The following FHL5 variants were observed in gnomAD, a reference collection of about 807,000 sequenced individuals.
FHL5 encodes the protein four and a half LIM domains 5.
In FHL5, 33 loss-of-function variants were observed where a neutral mutation model predicts 32.0. The ratio of observed to expected loss-of-function variants is 1.03; its 90% CI spans 0.78 to 1.38. The LOEUF is 1.38. Among genes scored for constraint, FHL5 ranks in the 40% most tolerant of loss-of-function variants. The pLI is 0.00. For synonymous variants in FHL5, 114 were observed against 113.6 expected (o/e 1.00, Z -0.02); for missense variants, 336 against 343.9 (o/e 0.98, Z 0.18).
At chr6:96,576,289 G>A (rs544527330) in intron 1 of FHL5, among the ~76,000 whole-genome samples, 111 of 152,162 alleles carry the variant, frequency 7.3e-4, no homozygotes, top group Middle Eastern at 3.4e-3. Flanking sequence ...AGCCTTCAGC[G>A]TATGCTGGTA....
chr6:96,584,455 GTGTGTT>G (rs1374738490), intron 1 of FHL5, among the ~76,000 whole-genome samples: 1 of 124,060 alleles, frequency 8.1e-6, no homozygotes, highest in African/African-American at 3.4e-5. Flanking sequence ...GTGTGTGTGT[GTGTGTT>G]TGTGTGTGTG....
chr6:96,566,111 T>A (rs1770351786), intron 1 of FHL5, among the ~76,000 whole-genome samples: 1 of 152,056 alleles, frequency 6.6e-6, no homozygotes, highest in Non-Finnish European at 1.5e-5. Context: ...CCTATCTAGC[T>A]GTATTTTGTA....
intron 1 of FHL5, among the ~76,000 whole-genome samples, chr6:96,582,395 C>G (rs373145762): frequency 6.6e-6 from 1 of 151,878 alleles, no homozygotes; most frequent in African/African-American, 2.4e-5. Flanking sequence ...TTTTAAAAGC[C>G]CTTCTTTTTT....
intron 5 of FHL5, among the ~76,000 whole-genome samples, chr6:96,614,486 G>C (rs1254996072): frequency 6.6e-6 from 1 of 152,160 alleles, no homozygotes; most frequent in Admixed American, 6.5e-5. Flanking sequence ...AAATAAGTTT[G>C]TTAGGATGGA....
intron 1 of FHL5, among the ~76,000 whole-genome samples, chr6:96,585,360 A>G (rs1441466049): frequency 6.6e-6 from 1 of 152,210 alleles, no homozygotes; most frequent in Non-Finnish European, 1.5e-5. Context: ...TGGGATAGCC[A>G]TGCGGCAATC....
intron 1 of FHL5, among the ~76,000 whole-genome samples, chr6:96,584,346 AGTCATGTGTGAC>A (rs1334816534): frequency 3.3e-5 from 5 of 152,108 alleles, no homozygotes; most frequent in Middle Eastern, 3.4e-3. Context: ...ATAGAAGAGG[AGTCATGTGTGAC>A]AACTGAAACG....
chr6:96,618,451 AC>A lies in FHL5; in HGVS notation c.*2681del, dbSNP rs1289927039. 6.6e-6 allele frequency among the ~76,000 whole-genome samples: 1 copy of A among 152,256 alleles called. No individual in the cohort carries two copies. The highest frequency in any genetic ancestry group is 1.5e-5 in the Non-Finnish European group (1 of 68,048). ...AACTCTTAGGATAAAAAGTGACATA[AC>A]CGGCCATAGAAAGTTACCAACTGTT... On this transcript the variant is annotated 3_prime_UTR_variant, in exon 6 of 6. Coordinates refer to ENST00000450218, the MANE Select transcript of FHL5 (RefSeq NM_001322466.2).
At chr6:96,576,874 A>C (rs1187416866) in intron 1 of FHL5, among the ~76,000 whole-genome samples, 2 of 152,224 alleles carry the variant, frequency 1.3e-5, no homozygotes, top group Non-Finnish European at 2.9e-5. Context: ...AATTGTAACC[A>C]TATTTAGCTA....
At chr6:96,590,462 AC>A (rs1340868354) in intron 1 of FHL5, among the ~76,000 whole-genome samples, 2 of 152,018 alleles carry the variant, frequency 1.3e-5, no homozygotes, top group African/African-American at 4.8e-5. Flanking sequence ...TTATATATAG[AC>A]ATTTTACTGA....
chr6:96,583,711 G>A (rs1770740751), intron 1 of FHL5, among the ~76,000 whole-genome samples: 1 of 152,040 alleles, frequency 6.6e-6, no homozygotes. Flanking sequence ...AAGGGCAATT[G>A]AATATCAAAG....
intron 5 of FHL5, among the ~76,000 whole-genome samples, chr6:96,610,999 T>C (rs1582482171): frequency 6.6e-6 from 1 of 152,290 alleles, no homozygotes; most frequent in South Asian, 2.1e-4. Flanking sequence ...CTAAACCTAA[T>C]GGTACTGACT....
In FHL5 at chr6:96,617,775, G is replaced by A. The variant is rs940824940; in HGVS notation, c.*2003G>A. On this transcript the variant is annotated 3_prime_UTR_variant, in exon 6 of 6. Coordinates refer to ENST00000450218, the MANE Select transcript of FHL5 (RefSeq NM_001322466.2). ...ATTGGAAATGTTTAGGCATTTTACT[G>A]TGTGGGGGCAGTGAGTATGCACATG... Among the ~76,000 whole-genome samples, 1 of 152,182 alleles carries A rather than the reference G, an allele frequency of 6.6e-6. No homozygotes were observed. Among genetic ancestry groups the A allele is most frequent in the African/African-American group, 2.4e-5 (1 of 41,452 alleles).
rs1771538967 is a variant in FHL5 at position 96,617,135 on chromosome 6, C to T, written c.*1363C>T. ...CTGATCATGACCCTATCTTGCTACC[C>T]CTGGATATTTTCCACATTACTTGGG... On this transcript the variant is annotated 3_prime_UTR_variant, in exon 6 of 6. Transcript: ENST00000450218. Among the ~76,000 whole-genome samples, 1 of 152,156 alleles carries T rather than the reference C, an allele frequency of 6.6e-6. No individual in the cohort carries two copies. Among genetic ancestry groups the T allele is most frequent in the Non-Finnish European group, 1.5e-5 (1 of 68,038 alleles).
chr6:96,579,000 A>G (rs1217382794), intron 1 of FHL5, among the ~76,000 whole-genome samples: 1 of 152,118 alleles, frequency 6.6e-6, no homozygotes, highest in Non-Finnish European at 1.5e-5. Flanking sequence ...CTTTCTTTGG[A>G]GCTTAGTTTT....
At chr6:96,583,440 A>C (rs1485279170) in intron 1 of FHL5, among the ~76,000 whole-genome samples, 1 of 152,156 alleles carries the variant, frequency 6.6e-6, no homozygotes, top group Non-Finnish European at 1.5e-5. Flanking sequence ...TCATTGCACC[A>C]ACATTTCAGT....
chr6:96,610,605 C>T lies in FHL5; in HGVS notation c.538C>T (p.Gln180Ter), dbSNP rs749264505. The T allele has an allele frequency of 6.2e-7, 1 of 1,613,724 alleles. No individual in the cohort carries two copies. The highest frequency in any genetic ancestry group is 8.5e-7 in the Non-Finnish European group (1 of 1,179,848). Residue 180 changes from glutamine (Q) to a stop codon, truncating the protein, a stop_gained, in exon 5 of 6, where the codon CAG (glutamine) becomes TAG (stop). Coordinates refer to ENST00000450218, the MANE Select transcript of FHL5 (RefSeq NM_001322466.2). LOFTEE classifies it high-confidence loss of function. ...ITSGGITFCDQLWHKECFLCS... is the reference protein window; with the variant it reads ...ITSGGITFCD The stretch of plus-strand genomic sequence containing the variant: ...TTCAGGTGGGATAACATTTTGTGAC[C>T]AGCTATGGCATAAAGAGTGTTTTCT...
At chr6:96,612,337 TAAC>T (rs932080576) in intron 5 of FHL5, among the ~76,000 whole-genome samples, 15 of 152,226 alleles carry the variant, frequency 9.9e-5, no homozygotes, top group African/African-American at 3.4e-4. Flanking sequence ...ATTTATTTTA[TAAC>T]AACACTTATC....
At chr6:96,591,622 T>C (rs1412484347) in intron 1 of FHL5, among the ~76,000 whole-genome samples, 1 of 152,184 alleles carries the variant, frequency 6.6e-6, no homozygotes, top group Non-Finnish European at 1.5e-5. Context: ...AATATATCTC[T>C]CCATTGTCTA....
Position 96,615,962 on chromosome 6 carries a change from A to G in FHL5, c.*190A>G. The G allele has an allele frequency of 2.3e-6, 1 of 431,186 alleles. No homozygotes were observed. The highest frequency in any genetic ancestry group is 4.1e-6 in the Non-Finnish European group (1 of 245,854). 26.7% of individuals were successfully genotyped at this position (431,186 alleles called of 1,614,324 possible). ...AAAGCACAGTAGAACAGAAATGAAT[A>G]TATGCTAAATCACAAAGACAACTCT... On this transcript the variant is annotated 3_prime_UTR_variant, in exon 6 of 6. Coordinates refer to ENST00000450218, the MANE Select transcript of FHL5 (RefSeq NM_001322466.2).
Sources: allele counts gnomAD v4.1 joint callset (sites outside exome capture counted in the v4.1 genomes callset), GRCh38; gene constraint gnomAD v4.1.1; transcripts MANE v1.5; gene names NCBI Gene and HGNC (gene_info 2026-07-23, HGNC 2026-07-21).